The following VPS13C variants were observed in gnomAD, a reference collection of about 807,000 sequenced individuals.
The protein encoded by VPS13C is vacuolar protein sorting 13 homolog C.
In VPS13C, 358 loss-of-function variants were observed where a neutral mutation model predicts 456.8. That is an observed-to-expected ratio of 0.78 (90% CI 0.72 to 0.86). The LOEUF is 0.86. Among genes scored for constraint, VPS13C ranks in the 40% least tolerant of loss-of-function variants. VPS13C has a pLI of 0.00. For missense variants in VPS13C, 4,818 were observed against 4,385.4 expected, an observed-to-expected ratio of 1.10 and a Z score of -2.79; for synonymous variants, 1,578 against 1,486.7, an observed-to-expected ratio of 1.06 and a Z score of -1.41.
chr15:61,925,259 C>A (rs1237373474), intron 53 of VPS13C, among the ~76,000 whole-genome samples, 197 bp downstream of exon 53: 15 of 151,856 alleles, frequency 9.9e-5, no homozygotes, highest in Non-Finnish European at 1.6e-4. Context: ...AAAAAGTACT[C>A]TTTTACAGAA....
chr15:61,943,914 T>TA (rs34088864), intron 45 of VPS13C, among the ~76,000 whole-genome samples: 87,828 of 144,260 alleles, frequency 0.61, 26,987 homozygotes, highest in Middle Eastern at 0.74. Context: ...CCAGAATCTA[T>TA]AAAAAAAAAA....
At position 61,884,264 on chromosome 15, in the gene VPS13C, C is replaced by T. The variant is rs1019502432; in HGVS notation, c.9347G>A (p.Gly3116Asp). The T allele has an allele frequency of 1.9e-5, 31 of 1,609,618 alleles. No homozygotes were observed. Among genetic ancestry groups the T allele is most frequent in the Non-Finnish European group, 2.5e-5 (30 of 1,178,654 alleles). ...EVSYIGITSS[G>D]VVWEVKPKQK... ...CTTTGGTTTCACCTCCCAAACAACA[C>T]CAGAACTAAATAATTCACACAAAAA... is the stretch of plus-strand genomic sequence containing the variant. Residue 3116 changes from glycine (G) to aspartate (D), a missense_variant, in exon 68 of 85, where the codon GGT (glycine) becomes GAT (aspartate). By Grantham distance (94) the Gly-to-Asp change is moderately conservative (BLOSUM62 -1). Around this residue, in one of 3 missense-constraint regions of VPS13C, gnomAD observed 4,552 missense variants for 4,130.6 expected, o/e 1.10. Transcript: ENST00000644861.
chr15:61,931,098 T>C lies in VPS13C; in HGVS notation c.6030A>G (p.Ala2010=), dbSNP rs760673026. ...LDDLREGIER[A]TSRMIDRKND... ...ACTCAGAGCTGACAAACCTCGATGTTGCTCTCTCAATTCCTTCTCTGAGAT... is the reference window on the plus strand; with the variant it reads ...ACTCAGAGCTGACAAACCTCGATGTCGCTCTCTCAATTCCTTCTCTGAGAT... Residue 2010 remains alanine, a synonymous_variant, in exon 50 of 85, where the codon GCA becomes GCG. Coordinates refer to ENST00000644861, the MANE Select transcript of VPS13C (RefSeq NM_020821.3). The C allele has an allele frequency of 2.5e-6, 4 of 1,614,068 alleles. No individual in the cohort carries two copies. In the South Asian group the frequency reaches 3.3e-5, roughly 13 times the overall value.
intron 60 of VPS13C, among the ~76,000 whole-genome samples, chr15:61,916,352 A>T (rs555772664): frequency 3.5e-4 from 53 of 152,320 alleles, no homozygotes; most frequent in African/African-American, 1.1e-3. Flanking sequence ...TAAATGAGCC[A>T]CTTAACTGCC....
chr15:61,873,489 G>T lies in VPS13C; in HGVS notation c.10415-80C>A, dbSNP rs77137589. ...TCAACAGCAAGAAAACAAATAATCT[G>T]ATTTTAAAATAGGCAAACGATCTGA... is the stretch of plus-strand genomic sequence containing the variant. On this transcript the variant is annotated intron_variant, in intron 77 of 84. Coordinates refer to ENST00000644861, the MANE Select transcript of VPS13C (RefSeq NM_020821.3). 5,213 of 1,385,878 alleles carry T rather than the reference G, an allele frequency of 3.8e-3. 276 individuals are homozygous for T. The Admixed American group carries it at 0.084, about 22-fold the overall frequency. The allele number at this position is 1,385,878 out of a possible 1,614,324, so 85.8% of individuals were successfully genotyped here.
intron 32 of VPS13C, 95 bp from the exon 33 acceptor site, chr15:61,962,947 T>A (rs1332373749): frequency 3.3e-6 from 3 of 912,502 alleles, no homozygotes; most frequent in African/African-American, 1.7e-5. Flanking sequence ...GTGACTTTTT[T>A]AAATTTAGCA....
chr15:61,898,009 A>G (rs1030569808), intron 66 of VPS13C, among the ~76,000 whole-genome samples: 4 of 152,210 alleles, frequency 2.6e-5, no homozygotes, highest in African/African-American at 7.2e-5. Context: ...ACTAAGCTTC[A>G]TAAGTGAACG....
At chr15:61,997,722 T>C (rs994540399) in intron 16 of VPS13C, among the ~76,000 whole-genome samples, 4 of 152,102 alleles carry the variant, frequency 2.6e-5, no homozygotes, top group African/African-American at 9.7e-5. Flanking sequence ...ACCCTCAAAG[T>C]ATATCTAGAA....
chr15:61,913,248 T>C lies in VPS13C; in HGVS notation c.8550+63A>G, dbSNP rs2043356086. The C allele has an allele frequency of 2.8e-6, 4 of 1,447,084 alleles. No homozygotes were observed. In the African/African-American group the frequency reaches 4.2e-5, roughly 15 times the overall value. The allele number at this position is 1,447,084 out of a possible 1,614,324, so 89.6% of individuals were successfully genotyped here. ...CATGCACACATATGTTTATTCCAAC[T>C]TGTTTGTTGAACTGTAGCAAAGGTG... On this transcript the variant is annotated intron_variant, in intron 62 of 84. Coordinates refer to ENST00000644861, the MANE Select transcript of VPS13C (RefSeq NM_020821.3).
chr15:62,033,950 G>A (rs1000301220), intron 4 of VPS13C, among the ~76,000 whole-genome samples: 5 of 150,474 alleles, frequency 3.3e-5, no homozygotes, highest in South Asian at 2.1e-4. Context: ...AGAGTAATTC[G>A]GAATACATAT....
rs754257601 is a variant in VPS13C at position 61,925,448 on chromosome 15, G to C, written c.6609+8C>G. On this transcript the variant is annotated splice_region_variant and intron_variant, in intron 53 of 84. Coordinates refer to ENST00000644861, the MANE Select transcript of VPS13C (RefSeq NM_020821.3). ...AATTTTCACTCAAAGAATATGGTAA[G>C]TACTAACCTTAATTATAAATTCTTT... 31 of 1,507,250 alleles carry C rather than the reference G, an allele frequency of 2.1e-5. No homozygotes were observed. The East Asian group carries it at 6.3e-4, about 31-fold the overall frequency. 93.4% of individuals were successfully genotyped at this position (1,507,250 alleles called of 1,614,324 possible).
intron 34 of VPS13C, 93 bp from the exon 35 acceptor site, chr15:61,961,986 T>C: frequency 7.3e-7 from 1 of 1,371,326 alleles, no homozygotes. Flanking sequence ...GGTAACTTTT[T>C]TTTTCCAATA....
Position 61,961,657 on chromosome 15 carries a change from A to T in VPS13C, c.3840T>A (p.Asp1280Glu). The change falls in exon 35 of 85, where the codon GAT becomes GAA. Residue 1280 changes from aspartate to glutamate, a missense_variant. Physicochemically the swap from Asp to Glu is conservative, Grantham distance 45. This residue lies in a region of VPS13C where 4,552 missense variants were observed against 4,130.6 expected (regional missense o/e 1.10). Coordinates refer to ENST00000644861, the MANE Select transcript of VPS13C (RefSeq NM_020821.3). The part of the protein sequence containing the change: ...RVHNQFSLVS[D>E]EDYLNPPVID... ...TTACTGGAGGATTTAAGTAGTCTTCATCAGACACCAGACTGAACTGATTAT... is the reference window on the plus strand; with the variant it reads ...TTACTGGAGGATTTAAGTAGTCTTCTTCAGACACCAGACTGAACTGATTAT... 1 of 1,613,976 alleles carries T rather than the reference A, an allele frequency of 6.2e-7. No individual in the cohort carries two copies. Among genetic ancestry groups the T allele is most frequent in the South Asian group, 1.1e-5 (1 of 91,052 alleles).
chr15:61,960,591 A>G (rs1436454011), intron 35 of VPS13C, among the ~76,000 whole-genome samples: 1 of 152,196 alleles, frequency 6.6e-6, no homozygotes, highest in African/African-American at 2.4e-5. Flanking sequence ...AGGGACAAAA[A>G]GTTAAAGATG....
At chr15:61,896,022 C>T (rs181251898) in intron 66 of VPS13C, among the ~76,000 whole-genome samples, 110 of 152,246 alleles carry the variant, frequency 7.2e-4, no homozygotes, top group Admixed American at 1.4e-3. Flanking sequence ...CTACCCTGAT[C>T]TAATCAGTAT....
chr15:61,935,829 A>G (rs2044210634), intron 48 of VPS13C: 1 of 152,242 alleles, frequency 6.6e-6, no homozygotes, highest in South Asian at 2.1e-4. Flanking sequence ...ATCAACTGGT[A>G]GTTTTACCGA....
In VPS13C at chr15:61,981,453, T is replaced by C. The variant is rs2140385149; in HGVS notation, c.2055A>G (p.Arg685=). The change falls in exon 22 of 85, where the codon CGA becomes CGG. Residue 685 remains arginine (R), a synonymous_variant. Transcript: ENST00000644861. ...GATTTATCCTTAAATCAAGGACTTT[T>C]CGAGTTTCAATAATATGTGTAAGTC... The part of the protein sequence containing the change: ...ATGLTHIIET[R]KVLDLRINLK... The C allele has an allele frequency of 6.2e-7, 1 of 1,610,150 alleles. No individual in the cohort carries two copies. Among genetic ancestry groups the C allele is most frequent in the Non-Finnish European group, 8.5e-7 (1 of 1,178,804 alleles).
intron 9 of VPS13C, among the ~76,000 whole-genome samples, chr15:62,014,451 T>G (rs2047156546): frequency 6.6e-6 from 1 of 152,136 alleles, no homozygotes. Context: ...AGGGCGTTAT[T>G]GAGAAACTTG....
chr15:61,969,482 A>G (rs758126662), intron 27 of VPS13C, 30 bp from the exon 28 acceptor site: 4 of 1,452,418 alleles, frequency 2.8e-6, no homozygotes, highest in East Asian at 2.4e-5. Context: ...TGAAAAGTTG[A>G]TAAGAAGTCT....
Sources: gnomAD v4.1 joint callset for allele counts (sites outside exome capture counted in the v4.1 genomes callset) on GRCh38, gnomAD v4.1.1 for gene constraint, gnomAD v4.1.1 regional missense constraint, MANE v1.5 for transcripts, NCBI Gene and HGNC (gene_info 2026-07-23, HGNC 2026-07-21) for gene names.